Variants in AMPH observed in about 807,000 individuals in gnomAD.
AMPH encodes the protein amphiphysin (Stiff-Mann syndrome with breast cancer 128kD autoantigen).
In AMPH, 49 loss-of-function variants were observed where a neutral mutation model predicts 99.1. That is an observed-to-expected ratio of 0.49 (90% confidence interval 0.39 to 0.63). The LOEUF is 0.63. Among genes scored for constraint, AMPH ranks in the 20% least tolerant of loss-of-function variants. The probability of loss-of-function intolerance (pLI) is 0.00; values close to 1 mark genes in which losing one functional copy is unlikely to be tolerated. For missense variants in AMPH, 759 were observed against 863.4 expected (o/e 0.88, Z 1.52); for synonymous variants, 314 against 317.3 (o/e 0.99, Z 0.11).
intron 1 of AMPH, among the ~76,000 whole-genome samples, chr7:38,568,932 G>C (rs1004489753): frequency 3.3e-5 from 5 of 152,120 alleles, no homozygotes; most frequent in African/African-American, 1.2e-4. Context: ...CATAATGGGT[G>C]ATACAGATGC....
At chr7:38,414,247 T>C (rs1262224442) in intron 17 of AMPH, among the ~76,000 whole-genome samples, 1 of 152,230 alleles carries the variant, frequency 6.6e-6, no homozygotes, top group Non-Finnish European at 1.5e-5. Context: ...GTAAAATTTT[T>C]AAAAAACAAA....
At chr7:38,594,845 A>C (rs1332258126) in intron 1 of AMPH, among the ~76,000 whole-genome samples, 1 of 152,208 alleles carries the variant, frequency 6.6e-6, no homozygotes, top group Non-Finnish European at 1.5e-5. Context: ...TTTTTAAGCA[A>C]TATTTTTTTC....
intron 1 of AMPH, among the ~76,000 whole-genome samples, chr7:38,620,517 T>C (rs1794019592): frequency 6.7e-6 from 1 of 148,894 alleles, no homozygotes; most frequent in African/African-American, 2.5e-5. Context: ...GTTTGGACCA[T>C]CTATGCATCT....
At chr7:38,486,298 A>G (rs1008202265) in intron 5 of AMPH, among the ~76,000 whole-genome samples, 1 of 151,906 alleles carries the variant, frequency 6.6e-6, no homozygotes, top group African/African-American at 2.4e-5. Flanking sequence ...TTAAGAGACT[A>G]ATATGAACAG....
chr7:38,587,949 T>TGTGTGC (rs931620644), intron 1 of AMPH, among the ~76,000 whole-genome samples: 71 of 146,196 alleles, frequency 4.9e-4, no homozygotes, highest in African/African-American at 1.1e-3. Flanking sequence ...TGTGTGTGTG[T>TGTGTGC]GCGCGTGTGT....
chr7:38,482,691 A>T (rs1788331777), intron 5 of AMPH, among the ~76,000 whole-genome samples: 2 of 152,126 alleles, frequency 1.3e-5, no homozygotes, highest in African/African-American at 4.8e-5. Flanking sequence ...AGTTAGTCAC[A>T]GCCTTTATTT....
At chr7:38,544,749 G>T (rs1435509301) in intron 1 of AMPH, among the ~76,000 whole-genome samples, 2 of 152,154 alleles carry the variant, frequency 1.3e-5, no homozygotes, top group Non-Finnish European at 2.9e-5. Flanking sequence ...ACCAACTCTA[G>T]GAAGACTAAG....
In AMPH at chr7:38,466,221, G is replaced by C; in HGVS notation, c.618C>G (p.Phe206Leu). Residue 206 changes from phenylalanine (F) to leucine (L), a missense_variant, in exon 8 of 21, where the codon TTC (phenylalanine) becomes TTG (leucine). This residue lies in a region of AMPH where 205 missense variants were observed against 287.9 expected (regional missense o/e 0.71). Coordinates refer to ENST00000356264, the MANE Select transcript of AMPH (RefSeq NM_001635.4). ...SRRVGFYVNTFKNVSSLEAKF... is the reference protein window; with the variant it reads ...SRRVGFYVNTLKNVSSLEAKF... ...TGGCTTCAAGGCTGGAGACGTTTTT[G>C]AAAGTATTAACATAAAATCCAACTC... 2 of 1,594,554 alleles carry C rather than the reference G, an allele frequency of 1.3e-6. No individual in the cohort carries two copies. The highest frequency in any genetic ancestry group is 1.7e-6 in the Non-Finnish European group (2 of 1,174,452).
chr7:38,594,374 C>G (rs1322483218), intron 1 of AMPH, among the ~76,000 whole-genome samples: 2 of 152,200 alleles, frequency 1.3e-5, no homozygotes, highest in Non-Finnish European at 1.5e-5. Context: ...ACCCTTTCCT[C>G]CTAACCCTAG....
At chr7:38,413,048 C>T (rs2267807) in intron 17 of AMPH, among the ~76,000 whole-genome samples, 41,288 of 152,004 alleles carry the variant, frequency 0.27, 6,111 homozygotes, top group African/African-American at 0.37. Flanking sequence ...GCTGCTTTCT[C>T]CTCCCCAGAG....
chr7:38,417,792 G>A, intron 17 of AMPH, 33 bp downstream of exon 17: 1 of 1,610,940 alleles, frequency 6.2e-7, no homozygotes, highest in Non-Finnish European at 8.5e-7. Context: ...TGGCAGCGAG[G>A]CAGATGGAGG....
At chr7:38,548,713 T>C (rs1791078771) in intron 1 of AMPH, among the ~76,000 whole-genome samples, 1 of 152,140 alleles carries the variant, frequency 6.6e-6, no homozygotes, top group African/African-American at 2.4e-5. Flanking sequence ...GCAGATTTTA[T>C]AGATGAGCTT....
At position 38,391,909 on chromosome 7, in the gene AMPH, C is replaced by G; in HGVS notation, c.1717G>C (p.Ala573Pro). The change falls in exon 19 of 21, where the codon GCT becomes CCT. Residue 573 changes from alanine to proline, a missense_variant. Ala to Pro is a conservative substitution (Grantham distance 27). Coordinates refer to ENST00000356264, the MANE Select transcript of AMPH (RefSeq NM_001635.4). ...GTCTCGCTGGTGGGGCCCGGAGGAG[C>G]CGCGTCCTCGGTGGTCTCCTTGGGC... Reference protein sequence around the residue: ...AEPKETTEDAAPPGPTSETPE... With the variant: ...AEPKETTEDAPPPGPTSETPE... 6.2e-7 allele frequency: 1 copy of G among 1,612,560 alleles called. No homozygotes were observed. Among genetic ancestry groups the G allele is most frequent in the Non-Finnish European group, 8.5e-7 (1 of 1,179,764 alleles).
At chr7:38,503,770 G>GAAAA in intron 2 of AMPH, 66 bp from the exon 3 acceptor site, 1 of 1,539,208 alleles carries the variant, frequency 6.5e-7, no homozygotes, top group Non-Finnish European at 9.0e-7. Context: ...TGTAAGAAGT[G>GAAAA]CTAAGTCTCA....
chr7:38,587,947 TGTGCGCGTGTGTGTGTGA>T (rs1792718979), intron 1 of AMPH, among the ~76,000 whole-genome samples: 1 of 144,714 alleles, frequency 6.9e-6, no homozygotes, highest in African/African-American at 2.5e-5. Context: ...TGTGTGTGTG[TGTGCGCGTGTGTGTGTGA>T]GAGAGAGATA....
chr7:38,543,871 G>C (rs1018125917), intron 1 of AMPH, among the ~76,000 whole-genome samples: 1 of 152,224 alleles, frequency 6.6e-6, no homozygotes, highest in East Asian at 1.9e-4. Flanking sequence ...TCCATCTACA[G>C]AGTCTCAAAG....
In AMPH at chr7:38,544,145, G is replaced by A. The variant is rs1273469302; in HGVS notation, c.70-9134C>T. ...CTGACTAACCATATCATATTGTCAG[G>A]AACTCAAATGTAATAACTGCTTGAT... is the stretch of plus-strand genomic sequence containing the variant. On this transcript the variant is annotated intron_variant, in intron 1 of 20. Coordinates refer to ENST00000356264, the MANE Select transcript of AMPH (RefSeq NM_001635.4). Among the ~76,000 whole-genome samples, 12 of 152,198 alleles carry A rather than the reference G, an allele frequency of 7.9e-5. No homozygotes were observed. The East Asian group carries it at 2.1e-3, about 27-fold the overall frequency.
intron 7 of AMPH, among the ~76,000 whole-genome samples, chr7:38,468,381 T>C (rs1787746748): frequency 6.6e-6 from 1 of 152,214 alleles, no homozygotes; most frequent in Non-Finnish European, 1.5e-5. Context: ...CTATTAAACA[T>C]ATTTAACTTT....
chr7:38,459,120 C>T lies in AMPH; in HGVS notation c.1017+2163G>A, dbSNP rs78975645. ...GGGAAAGAAATCAATATGGCAATAC[C>T]ATTTACAACAGCTACAACAAAATAA... On this transcript the variant is annotated intron_variant, in intron 11 of 20. Transcript: ENST00000356264. Among the ~76,000 whole-genome samples the T allele has an allele frequency of 6.4e-3, 975 of 152,068 alleles. 53 individuals carry two copies. In the East Asian group the frequency reaches 0.14, roughly 22 times the overall value.
Sources: gnomAD v4.1 joint callset for allele counts (sites outside exome capture counted in the v4.1 genomes callset) on GRCh38, gnomAD v4.1.1 for gene constraint, gnomAD v4.1.1 regional missense constraint, MANE v1.5 for transcripts, NCBI Gene and HGNC (gene_info 2026-07-23, HGNC 2026-07-21) for gene names.